The following MGAT4B variants were observed in gnomAD, a reference collection of about 807,000 sequenced individuals.
MGAT4B encodes the protein N-acetylglucosaminyltransferase IVb.
Under a neutral mutation model 73.9 loss-of-function variants are expected in MGAT4B, and 38 were observed. That is an observed-to-expected ratio of 0.51 (90% CI 0.40 to 0.67). MGAT4B has a LOEUF of 0.67. Ranked by LOEUF, MGAT4B falls within the 30% of genes least tolerant of loss-of-function variation. The pLI, the probability that MGAT4B is intolerant of heterozygous loss-of-function variation, is 0.00. For missense variants in MGAT4B, 686 were observed against 735.2 expected, an observed-to-expected ratio of 0.93 and a Z score of 0.77; for synonymous variants, 373 against 313.5, an observed-to-expected ratio of 1.19 and a Z score of -2.01.
intron 6 of MGAT4B, 85 bp from the exon 7 acceptor site, chr5:179,800,344 C>T: frequency 6.5e-7 from 1 of 1,531,922 alleles, no homozygotes; most frequent in Non-Finnish European, 9.0e-7. Flanking sequence ...TGGGCAGCTT[C>T]TGTCCCCCCA....
At chr5:179,804,627 GC>G (rs1427491502) in intron 1 of MGAT4B, among the ~76,000 whole-genome samples, 2 of 152,290 alleles carry the variant, frequency 1.3e-5, no homozygotes, top group African/African-American at 4.8e-5. Flanking sequence ...CACACCTGCT[GC>G]CCTTCCTCTC....
intron 1 of MGAT4B, among the ~76,000 whole-genome samples, chr5:179,804,717 G>A (rs568461214): frequency 1.3e-5 from 2 of 152,176 alleles, no homozygotes; most frequent in East Asian, 3.9e-4. Flanking sequence ...ACCCCCGCTG[G>A]CTGCAAAGTG....
chr5:179,797,928 C>T lies in MGAT4B; in HGVS notation c.*117G>A, dbSNP rs921827973. 7.8e-5 allele frequency: 111 copies of T among 1,425,240 alleles called. No individual in the cohort carries two copies. The highest frequency in any genetic ancestry group is 6.2e-4 in the South Asian group (50 of 80,208). The allele number at this position is 1,425,240 out of a possible 1,614,324, so 88.3% of individuals were successfully genotyped here. A position where few individuals can be genotyped will look rare whatever the true frequency, so the allele number is the denominator to read the frequency against. ...GGACCCCAGGCCGGCCCAAGCCCGA[C>T]GCCAGGCAGAACCCTTTGGGCGGGG... On this transcript the variant is annotated 3_prime_UTR_variant, in exon 15 of 15. Coordinates refer to ENST00000292591, the MANE Select transcript of MGAT4B (RefSeq NM_014275.5).
In MGAT4B at chr5:179,801,472, G is replaced by C; in HGVS notation, c.425-5C>G. On this transcript the variant is annotated splice_polypyrimidine_tract_variant and splice_region_variant and intron_variant, in intron 3 of 14. Coordinates refer to ENST00000292591, the MANE Select transcript of MGAT4B (RefSeq NM_014275.5). The surrounding 1 kb of genome is among the most constrained non-coding windows in gnomAD (Gnocchi z 4.8). Reference sequence around the variant, plus strand: ...GGATGCCCATCACCACCGACACTATGGGGGACGGAGGCCCGACGCTGGAAA... The same window carrying C: ...GGATGCCCATCACCACCGACACTATCGGGGACGGAGGCCCGACGCTGGAAA... 1 of 1,604,816 alleles carries C rather than the reference G, an allele frequency of 6.2e-7. No homozygotes were observed. The highest frequency in any genetic ancestry group is 8.5e-7 in the Non-Finnish European group (1 of 1,173,952).
intron 1 of MGAT4B, chr5:179,802,264 G>A (rs1253744460): frequency 7.8e-6 from 11 of 1,418,790 alleles, no homozygotes; most frequent in Non-Finnish European, 1.0e-5. Flanking sequence ...ACCTAGGTAG[G>A]TGGATCCTAA....
In MGAT4B at chr5:179,797,993, C is replaced by A; in HGVS notation, c.*52G>T. The A allele has an allele frequency of 6.3e-7, 1 of 1,584,246 alleles. No individual in the cohort carries two copies. ...CCGGGGACGGCAGTGACGACACCCC[C>A]AGAAATGTGGGCTTCAGGGCTGGCC... On this transcript the variant is annotated 3_prime_UTR_variant, in exon 15 of 15. Transcript: ENST00000292591.
At position 179,801,835 on chromosome 5, in the gene MGAT4B, T is replaced by C. The variant is rs1756957535; in HGVS notation, c.232A>G (p.Arg78Gly). The stretch of plus-strand genomic sequence containing the variant: ...CCGTCTCCGTCTCGCAGCGCCTGCC[T>C]TTCTGACACGGCCCTCTTGATCTCG... Reference protein sequence around the residue: ...LDEIKRAVSERQALRDGDGNR... With the variant: ...LDEIKRAVSEGQALRDGDGNR... Residue 78 changes from arginine (R) to glycine (G), a missense_variant, in exon 2 of 15, where the codon AGG becomes GGG. Arg to Gly is a moderately radical substitution (Grantham distance 125). Around this residue, in one of 2 missense-constraint regions of MGAT4B, gnomAD observed 237 missense variants for 198.5 expected, o/e 1.19. Coordinates refer to ENST00000292591, the MANE Select transcript of MGAT4B (RefSeq NM_014275.5). This position sits in a 1 kb window ranked among gnomAD's most constrained non-coding sequence, Gnocchi z 4.8. 6.2e-7 allele frequency: 1 copy of C among 1,605,420 alleles called. No homozygotes were observed. Among genetic ancestry groups the C allele is most frequent in the South Asian group, 1.1e-5 (1 of 90,928 alleles).
In MGAT4B at chr5:179,801,124, C is replaced by A; in HGVS notation, c.559-171G>T. 1.8e-6 allele frequency: 2 copies of A among 1,133,782 alleles called. No individual in the cohort carries two copies. The highest frequency in any genetic ancestry group is 1.2e-6 in the Non-Finnish European group (1 of 807,360). 70.2% of individuals were successfully genotyped at this position (1,133,782 alleles called of 1,614,324 possible). On this transcript the variant is annotated intron_variant, in intron 4 of 14. Transcript: ENST00000292591. The surrounding 1 kb of genome is among the most constrained non-coding windows in gnomAD (Gnocchi z 4.8). ...GAGACGGCCCTTTCCCTTTGGGACT[C>A]GCATGGCCAAGGACTAGGGGGTGGC... is the stretch of plus-strand genomic sequence containing the variant.
chr5:179,806,433 C>T lies in MGAT4B; in HGVS notation c.97+54G>A. 2 of 1,115,606 alleles carry T rather than the reference C, an allele frequency of 1.8e-6. No individual in the cohort carries two copies. The highest frequency in any genetic ancestry group is 3.0e-5 in the South Asian group (1 of 33,462). 69.1% of individuals were successfully genotyped at this position (1,115,606 alleles called of 1,614,324 possible). A position where few individuals can be genotyped will look rare whatever the true frequency, so the allele number is the denominator to read the frequency against. ...TCCGCGGCCACCGCCGGGCCCGCTC[C>T]CGCCGCCGACGCCCAGGTGCGCCAG... On this transcript the variant is annotated intron_variant, in intron 1 of 14. Transcript: ENST00000292591. This position sits in a 1 kb window ranked among gnomAD's most constrained non-coding sequence, Gnocchi z 4.6.
At position 179,801,255 on chromosome 5, in the gene MGAT4B, C is replaced by T; in HGVS notation, c.558+79G>A. 1.8e-5 allele frequency: 27 copies of T among 1,493,182 alleles called. No homozygotes were observed. The highest frequency in any genetic ancestry group is 5.2e-5 in the South Asian group (4 of 77,042). The allele number at this position is 1,493,182 out of a possible 1,614,324, so 92.5% of individuals were successfully genotyped here. On this transcript the variant is annotated intron_variant, in intron 4 of 14. Coordinates refer to ENST00000292591, the MANE Select transcript of MGAT4B (RefSeq NM_014275.5). This position sits in a 1 kb window ranked among gnomAD's most constrained non-coding sequence, Gnocchi z 4.8. ...ACTGAACTTCCGACAGCTTTCTCCTCGGAATGGTTCCTGCTGTCAGTTCTG... is the reference window on the plus strand; with the variant it reads ...ACTGAACTTCCGACAGCTTTCTCCTTGGAATGGTTCCTGCTGTCAGTTCTG...
intron 8 of MGAT4B, 142 bp from the exon 9 acceptor site, chr5:179,799,778 G>C: frequency 7.5e-7 from 1 of 1,335,720 alleles, no homozygotes; most frequent in Non-Finnish European, 1.1e-6. Flanking sequence ...GACAGGTGAT[G>C]AGGGCAGACA....
Position 179,801,636 on chromosome 5 carries a change from G to A in MGAT4B, c.342C>T (p.Thr114=), listed in dbSNP as rs370488453. 12 of 1,605,882 alleles carry A rather than the reference G, an allele frequency of 7.5e-6. No individual in the cohort carries two copies. Among genetic ancestry groups the A allele is most frequent in the African/African-American group, 4.0e-5 (3 of 74,930 alleles). ...GCAGGTGTGGCAGGTGATGGAAGAC[G>A]GTGGGCAGGTGCAGCACGTGCCGGT... The part of the protein sequence containing the change: ...GSHRHVLHLP[T]VFHHLPHLLA... Residue 114 remains threonine (T), a synonymous_variant, in exon 3 of 15, where the codon ACC becomes ACT. Transcript: ENST00000292591. This position sits in a 1 kb window ranked among gnomAD's most constrained non-coding sequence, Gnocchi z 4.8.
chr5:179,798,660 A>C (rs1756763996), intron 11 of MGAT4B, 69 bp from the exon 12 acceptor site: 1 of 1,552,596 alleles, frequency 6.4e-7, no homozygotes. Flanking sequence ...GGCCCAGCAG[A>C]GAAAGGCCAG....
At position 179,806,665 on chromosome 5, in the gene MGAT4B, G is replaced by GCGA. The variant is rs1305658035; in HGVS notation, c.-83_-82insTCG. The GCGA allele has an allele frequency of 5.0e-6, 3 of 605,234 alleles. No homozygotes were observed. In the African/African-American group the frequency reaches 6.1e-5, roughly 12 times the overall value. 37.5% of individuals were successfully genotyped at this position (605,234 alleles called of 1,614,324 possible). A position where few individuals can be genotyped will look rare whatever the true frequency, so the allele number is the denominator to read the frequency against. Reference sequence around the variant, plus strand: ...GGGGCCGGGGCGCAGGGGTCGGAAGGCGGCGGCGGCGGCGGCAGGGGCCCC... The same window carrying GCGA: ...GGGGCCGGGGCGCAGGGGTCGGAAGGCGACGGCGGCGGCGGCGGCAGGGGCCCC... On this transcript the variant is annotated 5_prime_UTR_variant, in exon 1 of 15. Transcript: ENST00000292591. The surrounding 1 kb of genome is among the most constrained non-coding windows in gnomAD (Gnocchi z 4.6).
Position 179,797,877 on chromosome 5 carries a change from G to A in MGAT4B, c.*168C>T, listed in dbSNP as rs1562603918. 1 of 959,112 alleles carries A rather than the reference G, an allele frequency of 1.0e-6. No individual in the cohort carries two copies. Among genetic ancestry groups the A allele is most frequent in the Non-Finnish European group, 1.5e-6 (1 of 658,018 alleles). 59.4% of individuals were successfully genotyped at this position (959,112 alleles called of 1,614,324 possible). A position where few individuals can be genotyped will look rare whatever the true frequency, so the allele number is the denominator to read the frequency against. On this transcript the variant is annotated 3_prime_UTR_variant, in exon 15 of 15. Transcript: ENST00000292591. The stretch of plus-strand genomic sequence containing the variant: ...GGCCCGGCGGGCGGGGGCAGCACCA[G>A]CTCCTAGGGCCTCCGGGCCAGCGGC...
chr5:179,800,878 A>G, intron 5 of MGAT4B, 29 bp downstream of exon 5: 1 of 1,609,872 alleles, frequency 6.2e-7, no homozygotes, highest in Non-Finnish European at 8.5e-7. Context: ...CTCTCCCGCC[A>G]CCAGCTCTCT....
Position 179,801,357 on chromosome 5 carries a change from C to A in MGAT4B, c.535G>T (p.Val179Phe). The change falls in exon 4 of 15, where the codon GTC (valine) becomes TTC (phenylalanine). Residue 179 changes from valine (V) to phenylalanine (F), a missense_variant. By Grantham distance (50) the Val-to-Phe change is conservative. Coordinates refer to ENST00000292591, the MANE Select transcript of MGAT4B (RefSeq NM_014275.5). The surrounding 1 kb of genome is among the most constrained non-coding windows in gnomAD (Gnocchi z 4.8). The part of the protein sequence containing the change: ...ELSPQEKEDS[V>F]IVVLIAETDS... Reference sequence around the variant, plus strand: ...GCCTCGGCGATCAGCACCACGATGACCGAGTCCTCCTTCTCCTGCGGGCTC... The same window carrying A: ...GCCTCGGCGATCAGCACCACGATGAACGAGTCCTCCTTCTCCTGCGGGCTC... 1 of 1,612,290 alleles carries A rather than the reference C, an allele frequency of 6.2e-7. No homozygotes were observed. Among genetic ancestry groups the A allele is most frequent in the Non-Finnish European group, 8.5e-7 (1 of 1,179,308 alleles).
In MGAT4B at chr5:179,801,376, C is replaced by A; in HGVS notation, c.516G>T (p.Pro172=). 6.2e-7 allele frequency: 1 copy of A among 1,612,568 alleles called. No individual in the cohort carries two copies. The highest frequency in any genetic ancestry group is 1.3e-5 in the African/African-American group (1 of 75,052). ...CGATGACCGAGTCCTCCTTCTCCTG[C>A]GGGCTCAGCTCGGAGATGAGCGAGT... ...TLHSLISELS[P]QEKEDSVIVV... The change falls in exon 4 of 15, where the codon CCG becomes CCT. Residue 172 remains proline, a synonymous_variant. Coordinates refer to ENST00000292591, the MANE Select transcript of MGAT4B (RefSeq NM_014275.5). The surrounding 1 kb of genome is among the most constrained non-coding windows in gnomAD (Gnocchi z 4.8).
rs769637690 is a variant in MGAT4B, at chr5:179,799,206, C to T, written c.1146G>A (p.Leu382=). 1.2e-6 allele frequency: 2 copies of T among 1,614,012 alleles called. 1 individual carries two copies. The highest frequency in any genetic ancestry group is 2.2e-5 in the South Asian group (2 of 91,086). Residue 382 remains leucine (L), a synonymous_variant, in exon 10 of 15, where the codon CTG becomes CTA. Transcript: ENST00000292591. Reference sequence around the variant, plus strand: ...GAGAGCGTGCAGTGCAGCCCACCTTCAGTTTCTGGATCTTGCCAGCCAGCG... The same window carrying T: ...GAGAGCGTGCAGTGCAGCCCACCTTTAGTTTCTGGATCTTGCCAGCCAGCG... ...HSSLAGKIQK[L]KDKDFGKQAL...
Sources: gnomAD v4.1 joint callset for allele counts (sites outside exome capture counted in the v4.1 genomes callset) on GRCh38, gnomAD v4.1.1 for gene constraint, gnomAD v4.1.1 regional missense constraint, Gnocchi (gnomAD v3.1) non-coding constraint, MANE v1.5 for transcripts, NCBI Gene and HGNC (gene_info 2026-07-23, HGNC 2026-07-21) for gene names.